The following RNF150 variants were observed in gnomAD, a reference collection of about 807,000 sequenced individuals.
The protein encoded by RNF150 is ring finger protein 150.
In RNF150, 24 loss-of-function variants were observed where a neutral mutation model predicts 39.3. The observed-to-expected ratio is 0.61, with a 90% CI of 0.44 to 0.86. The LOEUF (loss-of-function observed/expected upper bound fraction) is 0.86. Ranked by LOEUF, RNF150 falls within the 40% of genes least tolerant of loss-of-function variation. RNF150 has a pLI of 0.00. For missense variants in RNF150, 502 were observed against 587.8 expected (o/e 0.85, Z 1.51); for synonymous variants, 255 against 227.3 (o/e 1.12, Z -1.10).
upstream of RNF150, among the ~76,000 whole-genome samples, chr4:141,136,620 T>C (rs1578761533): frequency 6.6e-6 from 1 of 152,192 alleles, no homozygotes; most frequent in East Asian, 1.9e-4. Context: ...CTGTTGTAGA[T>C]AAAAACATCT....
intron 6 of RNF150, among the ~76,000 whole-genome samples, chr4:140,880,295 CACTG>C (rs1199371383): frequency 6.6e-6 from 1 of 152,126 alleles, no homozygotes; most frequent in African/African-American, 2.4e-5. Context: ...TGGTGTATTA[CACTG>C]ACTGATTTTT....
intron 5 of RNF150, among the ~76,000 whole-genome samples, chr4:140,921,087 G>A (rs922174157): frequency 2.7e-5 from 4 of 150,448 alleles, no homozygotes; most frequent in African/African-American, 9.8e-5. Context: ...GCTAAATGAC[G>A]AGTTAATGGG....
At chr4:140,957,385 A>C (rs1335669562) in intron 2 of RNF150, among the ~76,000 whole-genome samples, 2 of 152,028 alleles carry the variant, frequency 1.3e-5, no homozygotes, top group Non-Finnish European at 2.9e-5. Flanking sequence ...GGTGATCATT[A>C]AAAAGTCAGG....
Position 141,159,359 on chromosome 4 carries a change from A to G in RNF150, c.-6+53435T>C, listed in dbSNP as rs528040444. 1.5e-3 allele frequency among the ~76,000 whole-genome samples: 231 copies of G among 152,254 alleles called. 1 individual carries two copies. Among genetic ancestry groups the G allele is most frequent in the Admixed American group, 4.8e-3 (74 of 15,288 alleles). On this transcript the variant is annotated intron_variant, in intron 1 of 7. Transcript: ENST00000420921. ...AATTTGACATTAATATAATTTTCACATCATGAAATATTATTCTCCTTTTGC... is the reference window on the plus strand; with the variant it reads ...AATTTGACATTAATATAATTTTCACGTCATGAAATATTATTCTCCTTTTGC...
rs184265081 is a variant in RNF150 at position 140,963,940 on chromosome 4, C to T, written c.735+3683G>A. Among the ~76,000 whole-genome samples, 151 of 151,730 alleles carry T rather than the reference C, an allele frequency of 1.0e-3. 1 individual carries two copies. Among genetic ancestry groups the T allele is most frequent in the African/African-American group, 3.5e-3 (144 of 41,418 alleles). On this transcript the variant is annotated intron_variant, in intron 2 of 6. Coordinates refer to ENST00000515673, the MANE Select transcript of RNF150 (RefSeq NM_020724.2). Reference sequence around the variant, plus strand: ...ATATATCTCAATCTAGAAGACTACACGGGAAAATAATAAAATGAAGAAATG... The same window carrying T: ...ATATATCTCAATCTAGAAGACTACATGGGAAAATAATAAAATGAAGAAATG...
chr4:141,117,182 C>T (rs1382549403), intron 1 of RNF150, among the ~76,000 whole-genome samples: 1 of 152,012 alleles, frequency 6.6e-6, no homozygotes, highest in Admixed American at 6.6e-5. Flanking sequence ...TTACCATATC[C>T]ATAGGTGGCA....
chr4:140,899,849 A>G (rs1376873489), intron 6 of RNF150, among the ~76,000 whole-genome samples: 1 of 152,056 alleles, frequency 6.6e-6, no homozygotes, highest in Non-Finnish European at 1.5e-5. Context: ...AAGTGGGGGA[A>G]AAACTTGCAG....
chr4:140,878,148 G>C (rs936393049), intron 6 of RNF150, among the ~76,000 whole-genome samples: 7 of 147,968 alleles, frequency 4.7e-5, no homozygotes, highest in Non-Finnish European at 8.9e-5. Flanking sequence ...AACAGGTTAA[G>C]GTGATATCTC....
chr4:141,062,280 T>C lies in RNF150; in HGVS notation c.484+70045A>G, dbSNP rs1053324076. 3.3e-5 allele frequency among the ~76,000 whole-genome samples: 5 copies of C among 152,148 alleles called. No homozygotes were observed. The South Asian group carries it at 6.2e-4, about 19-fold the overall frequency. The stretch of plus-strand genomic sequence containing the variant: ...TTCTCTTTGTTTTATGTCTGTATTA[T>C]ACATGTCTGTATTATACATGATATA... On this transcript the variant is annotated intron_variant, in intron 1 of 6. Coordinates refer to ENST00000515673, the MANE Select transcript of RNF150 (RefSeq NM_020724.2).
rs1728179443 is a variant in RNF150 at position 141,195,094 on chromosome 4, C to G, written c.-6+17700G>C. On this transcript the variant is annotated intron_variant, in intron 1 of 7. Coordinates refer to the RNF150 transcript ENST00000420921. ...ACACTTTCCCCTACACATCCCCTTT[C>G]CAGATACATGAATACACACACACAC... Among the ~76,000 whole-genome samples the G allele has an allele frequency of 2.8e-5, 4 of 143,252 alleles. No homozygotes were observed. The South Asian group carries it at 9.0e-4, about 32-fold the overall frequency. 94.0% of individuals were successfully genotyped at this position (143,252 alleles called of 152,430 possible). A position where few individuals can be genotyped will look rare whatever the true frequency, so the allele number is the denominator to read the frequency against.
intron 1 of RNF150, among the ~76,000 whole-genome samples, chr4:141,161,730 C>T (rs370997565): frequency 1.5e-4 from 23 of 152,244 alleles, no homozygotes; most frequent in Admixed American, 5.2e-4. Context: ...GCTGCTCCAT[C>T]TCTAGCTGTG....
chr4:141,104,954 T>G (rs1169628155), intron 1 of RNF150, among the ~76,000 whole-genome samples: 1 of 152,194 alleles, frequency 6.6e-6, no homozygotes, highest in Admixed American at 6.5e-5. Flanking sequence ...AGTTGCAGCC[T>G]CCAGACATTG....
intron 1 of RNF150, among the ~76,000 whole-genome samples, chr4:141,086,627 T>A (rs1738375823): frequency 6.6e-6 from 1 of 151,978 alleles, no homozygotes; most frequent in Non-Finnish European, 1.5e-5. Context: ...CTAAATCAGA[T>A]CTGTATACAT....
intron 1 of RNF150, among the ~76,000 whole-genome samples, chr4:141,020,513 C>A (rs893203536): frequency 6.6e-6 from 1 of 152,128 alleles, no homozygotes; most frequent in Non-Finnish European, 1.5e-5. Flanking sequence ...CCCAGAGGCA[C>A]CTTCCTAAGT....
intron 5 of RNF150, 71 bp from the exon 6 acceptor site, chr4:140,911,425 A>G: frequency 3.1e-6 from 4 of 1,290,410 alleles, no homozygotes; most frequent in Non-Finnish European, 4.3e-6. Context: ...TATAGCCTAA[A>G]CATTCTGTCT....
intron 1 of RNF150, among the ~76,000 whole-genome samples, chr4:141,015,150 C>T (rs995967107): frequency 3.3e-5 from 5 of 152,196 alleles, no homozygotes; most frequent in Non-Finnish European, 5.9e-5. Flanking sequence ...TTTATTTCTT[C>T]GTTTTCTATC....
At chr4:141,009,601 A>G (rs972002052) in intron 1 of RNF150, among the ~76,000 whole-genome samples, 1 of 152,246 alleles carries the variant, frequency 6.6e-6, no homozygotes, top group African/African-American at 2.4e-5. Flanking sequence ...TAAGGACTCA[A>G]GAAATGTTAG....
In RNF150 at chr4:141,158,455, ACT is replaced by A. The variant is rs1021031044; in HGVS notation, c.-6+54337_-6+54338del. On this transcript the variant is annotated intron_variant, in intron 1 of 7. Transcript: ENST00000420921. ...TTATTTCACAAAAGGAGAACTTGTC[ACT>A]CTTTCAAAAAAAAAAAAAGCCTAAT... Among the ~76,000 whole-genome samples the A allele has an allele frequency of 1.7e-3, 73 of 43,800 alleles. 1 individual carries two copies. Among genetic ancestry groups the A allele is most frequent in the East Asian group, 7.7e-3 (10 of 1,292 alleles). The allele number at this position is 43,800 out of a possible 152,430, so 28.7% of individuals were successfully genotyped here.
At chr4:141,072,800 T>C (rs1322111466) in intron 1 of RNF150, among the ~76,000 whole-genome samples, 5 of 152,180 alleles carry the variant, frequency 3.3e-5, no homozygotes, top group African/African-American at 4.8e-5. Context: ...AATAGCATCA[T>C]ATTCAGTCTG....
Sources: gnomAD v4.1 joint callset for allele counts (sites outside exome capture counted in the v4.1 genomes callset) on GRCh38, gnomAD v4.1.1 for gene constraint, MANE v1.5 for transcripts, NCBI Gene and HGNC (gene_info 2026-07-23, HGNC 2026-07-21) for gene names.